Variants in AZIN2 observed in about 807,000 individuals in gnomAD.
The protein encoded by AZIN2 is antizyme inhibitor 2.
A neutral mutation model predicts 47.8 loss-of-function variants in AZIN2; 28 were observed. The ratio of observed to expected loss-of-function variants is 0.59; its 90% CI spans 0.43 to 0.80. AZIN2 has a LOEUF of 0.80. AZIN2 is among the 30% of genes least tolerant of loss of function. The pLI, the probability that AZIN2 is intolerant of heterozygous loss-of-function variation, is 0.00. For missense variants in AZIN2, 535 were observed against 582.5 expected, an observed-to-expected ratio of 0.92 and a Z score of 0.84; for synonymous variants, 221 against 239.4, an observed-to-expected ratio of 0.92 and a Z score of 0.71.
intron 10 of AZIN2, among the ~76,000 whole-genome samples, chr1:33,115,933 C>T (rs74066251): frequency 0.019 from 2,874 of 152,246 alleles, 74 homozygotes; most frequent in East Asian, 0.08. Context: ...GCATCCCCTC[C>T]ACTCATCTTT....
chr1:33,083,151 T>C (rs1641481596), intron 4 of AZIN2: 1 of 152,892 alleles, frequency 6.5e-6, no homozygotes, highest in Non-Finnish European at 1.5e-5. Flanking sequence ...TTGTAAGTAC[T>C]TAAGGGGTTC....
At position 33,082,199 on chromosome 1, in the gene AZIN2, CG is replaced by C. The variant is rs756921355; in HGVS notation, c.-49del. 1 of 1,478,918 alleles carries C rather than the reference CG, an allele frequency of 6.8e-7. No individual in the cohort carries two copies. Among genetic ancestry groups the C allele is most frequent in the Non-Finnish European group, 9.4e-7 (1 of 1,061,810 alleles). 91.6% of individuals were successfully genotyped at this position (1,478,918 alleles called of 1,614,324 possible). A position where few individuals can be genotyped will look rare whatever the true frequency, so the allele number is the denominator to read the frequency against. ...GCAGTGTGTTGCATACTTTCTAAGG[CG>C]GCGGCTGCAGCAGCGGCTCCATCCA... On this transcript the variant is annotated 5_prime_UTR_variant, in exon 4 of 12. Coordinates refer to ENST00000294517, the MANE Select transcript of AZIN2 (RefSeq NM_052998.4).
intron 10 of AZIN2, among the ~76,000 whole-genome samples, chr1:33,101,061 C>T (rs1439493884): frequency 1.3e-5 from 2 of 151,984 alleles, no homozygotes; most frequent in Non-Finnish European, 2.9e-5. Flanking sequence ...GAGGTTTTGC[C>T]ATGCTGGCCA....
At chr1:33,158,829 G>GT in the AZIN2 span, among the ~76,000 whole-genome samples, 1 of 151,444 alleles carries the variant, frequency 6.6e-6, no homozygotes, top group East Asian at 1.9e-4. Context: ...CAGAGCCTCA[G>GT]TTTTTTTCTT....
chr1:33,090,853 C>T (rs1200967735), intron 5 of AZIN2, among the ~76,000 whole-genome samples: 1 of 152,222 alleles, frequency 6.6e-6, no homozygotes, highest in South Asian at 2.1e-4. Flanking sequence ...CCACTGCCCC[C>T]TCGCCATTGA....
At chr1:33,102,877 C>T (rs894388938) in intron 10 of AZIN2, among the ~76,000 whole-genome samples, 2 of 152,206 alleles carry the variant, frequency 1.3e-5, no homozygotes, top group African/African-American at 2.4e-5. Context: ...TGATTTCCAA[C>T]CCCAAACTTC....
chr1:33,143,565 C>G, the AZIN2 span, among the ~76,000 whole-genome samples: 3 of 152,140 alleles, frequency 2.0e-5, no homozygotes, highest in African/African-American at 7.2e-5. Flanking sequence ...TGCCAACAGC[C>G]CCTCTCCCAT....
chr1:33,124,523 CT>C (rs531404527), downstream of AZIN2, among the ~76,000 whole-genome samples: 8 of 150,244 alleles, frequency 5.3e-5, no homozygotes, highest in East Asian at 7.8e-4. This position sits in a 1 kb window ranked among gnomAD's most constrained non-coding sequence, Gnocchi z 4.6. Context: ...AGTCAGGAAA[CT>C]TTTTTTTTTA....
chr1:33,128,253 G>A (rs1301382829), downstream of AZIN2, among the ~76,000 whole-genome samples: 3 of 151,462 alleles, frequency 2.0e-5, no homozygotes, highest in Admixed American at 6.6e-5. Context: ...AAGCACCTGC[G>A]GTCCCAGCTA....
chr1:33,147,589 G>A, the AZIN2 span: 45 of 1,614,128 alleles, frequency 2.8e-5, no homozygotes, highest in South Asian at 4.1e-4. This position sits in a 1 kb window ranked among gnomAD's most constrained non-coding sequence, Gnocchi z 8.1. Context: ...ACCCAGCACC[G>A]ACACCTCCAC....
Position 33,117,969 on chromosome 1 carries a change from G to A in AZIN2, c.1097G>A (p.Cys366Tyr), listed in dbSNP as rs1445244625. ...LWGPAVDGCD[C>Y]VAEGLWLPQL... Reference sequence around the variant, plus strand: ...GGCCCGGCGGTTGATGGCTGTGATTGCGTGGCTGAGGGCCTGTGGCTGCCG... The same window carrying A: ...GGCCCGGCGGTTGATGGCTGTGATTACGTGGCTGAGGGCCTGTGGCTGCCG... The change falls in exon 11 of 12, where the codon TGC becomes TAC. Residue 366 changes from cysteine to tyrosine, a missense_variant. Coordinates refer to ENST00000294517, the MANE Select transcript of AZIN2 (RefSeq NM_052998.4). 5.6e-6 allele frequency: 9 copies of A among 1,613,000 alleles called. No individual in the cohort carries two copies. Among genetic ancestry groups the A allele is most frequent in the Non-Finnish European group, 7.6e-6 (9 of 1,179,456 alleles).
intron 5 of AZIN2, among the ~76,000 whole-genome samples, chr1:33,091,055 C>G (rs1283908433): frequency 6.6e-6 from 1 of 152,180 alleles, no homozygotes; most frequent in Admixed American, 6.5e-5. Flanking sequence ...GAATAATATT[C>G]CATTGTGTAT....
At chr1:33,106,868 CTAT>C (rs1644029852) in intron 10 of AZIN2, among the ~76,000 whole-genome samples, 1 of 152,186 alleles carries the variant, frequency 6.6e-6, no homozygotes, top group African/African-American at 2.4e-5. Flanking sequence ...CTCACCACTT[CTAT>C]TTAGTGTGGT....
At chr1:33,097,998 TTG>T (rs951723749) in intron 9 of AZIN2, 67 bp from the exon 10 acceptor site, 2 of 1,155,492 alleles carry the variant, frequency 1.7e-6, no homozygotes, top group Non-Finnish European at 2.6e-6. Context: ...GAGCCCACTG[TTG>T]TGTCAGCCCC....
At position 33,094,639 on chromosome 1, in the gene AZIN2, G is replaced by A. The variant is rs375274518; in HGVS notation, c.679G>A (p.Gly227Ser). ...CGTGTTTGAAATGGGCACCGAGCTGGGTCACAAGATGCACGTTCTGGACCT... is the reference window on the plus strand; with the variant it reads ...CGTGTTTGAAATGGGCACCGAGCTGAGTCACAAGATGCACGTTCTGGACCT... ...RLVFEMGTEL[G>S]HKMHVLDLGG... is the part of the protein sequence containing the mutation. Residue 227 changes from glycine to serine, a missense_variant, in exon 8 of 12, where the codon GGT becomes AGT. Gly to Ser is a moderately conservative substitution (Grantham distance 56, BLOSUM62 0). Coordinates refer to ENST00000294517, the MANE Select transcript of AZIN2 (RefSeq NM_052998.4). 29 of 1,614,054 alleles carry A rather than the reference G, an allele frequency of 1.8e-5. No individual in the cohort carries two copies. Among genetic ancestry groups the A allele is most frequent in the Non-Finnish European group, 2.5e-5 (29 of 1,180,044 alleles).
rs935812625 is a variant in AZIN2 at position 33,081,257 on chromosome 1, G to T, written c.-443G>T. ...CCGAGGATCCGATTCACTCCCTGGG[G>T]AGACCTATGGGCCGAAGCCGTGTAA... On this transcript the variant is annotated 5_prime_UTR_variant, in exon 1 of 12. Transcript: ENST00000294517. This position sits in a 1 kb window ranked among gnomAD's most constrained non-coding sequence, Gnocchi z 4.2. The T allele has an allele frequency of 6.5e-6, 1 of 153,126 alleles. No homozygotes were observed. The highest frequency in any genetic ancestry group is 1.5e-5 in the Non-Finnish European group (1 of 68,390). 9.5% of individuals were successfully genotyped at this position (153,126 alleles called of 1,614,324 possible). A position where few individuals can be genotyped will look rare whatever the true frequency, so the allele number is the denominator to read the frequency against.
Position 33,123,201 on chromosome 1 carries a change from T to C in AZIN2, c.*3019T>C, listed in dbSNP as rs1037914866. ...GCCTTCTGGATCACCCTTTAGAAAA[T>C]AGCATGTCCTAGTCTCTCTCTTTTC... On this transcript the variant is annotated 3_prime_UTR_variant, in exon 12 of 12. Transcript: ENST00000294517. 1.3e-4 allele frequency among the ~76,000 whole-genome samples: 20 copies of C among 152,210 alleles called. No individual in the cohort carries two copies. Among genetic ancestry groups the C allele is most frequent in the African/African-American group, 4.1e-4 (17 of 41,454 alleles).
the AZIN2 span, chr1:33,165,309 A>C: frequency 1.7e-6 from 1 of 599,810 alleles, no homozygotes; most frequent in East Asian, 3.1e-5. This position sits in a 1 kb window ranked among gnomAD's most constrained non-coding sequence, Gnocchi z 4.0. Flanking sequence ...CGGATGCCCT[A>C]CCCTCTTCCC....
Position 33,101,953 on chromosome 1 carries a change from T to C in AZIN2, c.1029+3774T>C, listed in dbSNP as rs1643737347. ...CATTCTCCTCTCAAGGCATTTGGACTGTCTTTGGGTTTTTGCTACTGTGAA... is the reference window on the plus strand; with the variant it reads ...CATTCTCCTCTCAAGGCATTTGGACCGTCTTTGGGTTTTTGCTACTGTGAA... On this transcript the variant is annotated intron_variant, in intron 10 of 11. Transcript: ENST00000294517. 4 of 753,360 alleles carry C rather than the reference T, an allele frequency of 5.3e-6. No homozygotes were observed. In the Admixed American group the frequency reaches 7.4e-5, roughly 14 times the overall value. 46.7% of individuals were successfully genotyped at this position (753,360 alleles called of 1,614,324 possible).
Sources: gnomAD v4.1 joint callset for allele counts (sites outside exome capture counted in the v4.1 genomes callset) on GRCh38, gnomAD v4.1.1 for gene constraint, Gnocchi (gnomAD v3.1) non-coding constraint, MANE v1.5 for transcripts, NCBI Gene and HGNC (gene_info 2026-07-23, HGNC 2026-07-21) for gene names.